Variants in GLDC observed in about 807,000 individuals in gnomAD.
GLDC encodes glycine decarboxylase.
A neutral mutation model predicts 121.3 loss-of-function variants in GLDC; 104 were observed. The ratio of observed to expected loss-of-function variants is 0.86; its 90% CI spans 0.73 to 1.01. GLDC has a LOEUF of 1.01. GLDC is among the 50% of genes least tolerant of loss of function. The pLI, the probability that GLDC is intolerant of heterozygous loss-of-function variation, is 0.00. For missense variants in GLDC, 1,429 were observed against 1,306.6 expected (o/e 1.09, Z -1.44); for synonymous variants, 546 against 480.6 (o/e 1.14, Z -1.78).
intron 15 of GLDC, among the ~76,000 whole-genome samples, chr9:6,569,773 C>A (rs576066896): frequency 1.3e-5 from 2 of 152,042 alleles, no homozygotes; most frequent in African/African-American, 4.8e-5. Context: ...GTTAGAAGAT[C>A]GAGACCAGCC....
chr9:6,638,106 C>T (rs556777832), intron 2 of GLDC, among the ~76,000 whole-genome samples: 5 of 152,148 alleles, frequency 3.3e-5, no homozygotes, highest in Admixed American at 2.0e-4. Context: ...GGGATGATCC[C>T]GCAACAACAT....
chr9:6,626,081 C>G (rs1429394350), intron 2 of GLDC, among the ~76,000 whole-genome samples: 1 of 151,444 alleles, frequency 6.6e-6, no homozygotes, highest in Non-Finnish European at 1.5e-5. Flanking sequence ...GAGAGGTGCT[C>G]AAATGTGTTT....
At chr9:6,619,900 A>T (rs578015138) in intron 3 of GLDC, among the ~76,000 whole-genome samples, 22 of 152,348 alleles carry the variant, frequency 1.4e-4, no homozygotes, top group Non-Finnish European at 2.8e-4. Context: ...ACTCAAATAC[A>T]GCACAGAAAT....
At chr9:6,555,953 AG>A (rs1463366815) in intron 18 of GLDC, among the ~76,000 whole-genome samples, 199 bp downstream of exon 18, 1 of 152,196 alleles carries the variant, frequency 6.6e-6, no homozygotes, top group Non-Finnish European at 1.5e-5. Flanking sequence ...GGGCCCTTTG[AG>A]CCCCCATTTC....
chr9:6,616,859 G>A (rs962569482), intron 3 of GLDC, among the ~76,000 whole-genome samples: 2 of 152,264 alleles, frequency 1.3e-5, no homozygotes, highest in Middle Eastern at 6.8e-3. Flanking sequence ...ATTGGGAAAG[G>A]GGGTTATGGG....
chr9:6,591,572 A>T (rs1418740145), intron 11 of GLDC, among the ~76,000 whole-genome samples: 1 of 152,130 alleles, frequency 6.6e-6, no homozygotes. Flanking sequence ...TCTTTGTAGT[A>T]GAGGCAGTTT....
intron 18 of GLDC, 77 bp downstream of exon 18, chr9:6,556,076 A>G: frequency 1.5e-6 from 2 of 1,291,354 alleles, no homozygotes; most frequent in South Asian, 1.2e-5. Flanking sequence ...AAGCCTCTCA[A>G]GAAGTCAGAA....
chr9:6,585,876 C>G (rs77725397), intron 15 of GLDC, among the ~76,000 whole-genome samples: 27 of 113,650 alleles, frequency 2.4e-4, no homozygotes, highest in African/African-American at 6.6e-4. Flanking sequence ...ATGTATCTAT[C>G]TATCTATCTA....
rs1818823570 is a variant in GLDC, at chr9:6,610,213, T to A, written c.614A>T (p.Glu205Val). The change falls in exon 4 of 25, where the codon GAG becomes GTG. Residue 205 changes from glutamate to valine, a missense_variant. Physicochemically the swap from Glu to Val is moderately radical, Grantham distance 121 (BLOSUM62 -2). Transcript: ENST00000321612. ...SLLDEGTAAA[E>V]ALQLCYRHNK... ...TCACCTGTAGCACAGCTGCAGTGCC[T>A]CTGCGGCTGCAGTCCCCTCATCCAG... 6.2e-7 allele frequency: 1 copy of A among 1,612,620 alleles called. No individual in the cohort carries two copies. Among genetic ancestry groups the A allele is most frequent in the Non-Finnish European group, 8.5e-7 (1 of 1,179,362 alleles).
At chr9:6,602,304 T>A in intron 7 of GLDC, 99 bp from the exon 8 acceptor site, 1 of 790,124 alleles carries the variant, frequency 1.3e-6, no homozygotes. Flanking sequence ...TGAAGTGAAT[T>A]CAGCAAATGC....
intron 3 of GLDC, among the ~76,000 whole-genome samples, chr9:6,618,145 T>G (rs1819002813): frequency 6.6e-6 from 1 of 152,206 alleles, no homozygotes; most frequent in Non-Finnish European, 1.5e-5. Flanking sequence ...AAATGAAAAG[T>G]GGACACCTAT....
intron 24 of GLDC, 93 bp from the exon 25 acceptor site, chr9:6,533,253 A>T: frequency 9.9e-7 from 1 of 1,008,432 alleles, no homozygotes; most frequent in Non-Finnish European, 1.6e-6. Context: ...ACAACCTAAG[A>T]CACCATCAGC....
intron 15 of GLDC, among the ~76,000 whole-genome samples, chr9:6,582,983 G>A (rs1001312815): frequency 2.6e-5 from 4 of 152,198 alleles, no homozygotes; most frequent in Non-Finnish European, 5.9e-5. Context: ...GCTAATCATT[G>A]GGGAAATGTC....
intron 21 of GLDC, among the ~76,000 whole-genome samples, chr9:6,549,646 A>T (rs576753596): frequency 2.6e-5 from 4 of 152,130 alleles, no homozygotes; most frequent in East Asian, 3.9e-4. Context: ...CCACAGCCCA[A>T]TGTGTAAAAG....
At chr9:6,581,907 A>G (rs538869598) in intron 15 of GLDC, among the ~76,000 whole-genome samples, 38 of 152,304 alleles carry the variant, frequency 2.5e-4, no homozygotes, top group African/African-American at 8.4e-4. Flanking sequence ...TGCAAATCAT[A>G]TATCTGATAA....
Position 6,605,356 on chromosome 9 carries a change from G to C in GLDC, c.714-78C>G, listed in dbSNP as rs1587960752. 2.0e-6 allele frequency: 3 copies of C among 1,475,154 alleles called. No individual in the cohort carries two copies. In the East Asian group the frequency reaches 7.1e-5, roughly 35 times the overall value. 91.4% of individuals were successfully genotyped at this position (1,475,154 alleles called of 1,614,324 possible). A position where few individuals can be genotyped will look rare whatever the true frequency, so the allele number is the denominator to read the frequency against. On this transcript the variant is annotated intron_variant, in intron 5 of 24. Coordinates refer to ENST00000321612, the MANE Select transcript of GLDC (RefSeq NM_000170.3). Reference sequence around the variant, plus strand: ...TTAATTAACGTTTCTTTTCCAGTAAGACAGCATTCATTTTCTGTGCCCTCC... The same window carrying C: ...TTAATTAACGTTTCTTTTCCAGTAACACAGCATTCATTTTCTGTGCCCTCC...
At position 6,630,936 on chromosome 9, in the gene GLDC, C is replaced by A. The variant is rs1819362304; in HGVS notation, c.335-10617G>T. ...CCCTGTTACTTGTCAAGTTTCCTCCCTGGGCAGAGGAGGGTTTCACTAGCC... is the reference window on the plus strand; with the variant it reads ...CCCTGTTACTTGTCAAGTTTCCTCCATGGGCAGAGGAGGGTTTCACTAGCC... On this transcript the variant is annotated intron_variant, in intron 2 of 24. Coordinates refer to ENST00000321612, the MANE Select transcript of GLDC (RefSeq NM_000170.3). Among the ~76,000 whole-genome samples the A allele has an allele frequency of 2.0e-5, 3 of 152,336 alleles. No homozygotes were observed. In the South Asian group the frequency reaches 6.2e-4, roughly 32 times the overall value.
intron 22 of GLDC, among the ~76,000 whole-genome samples, chr9:6,537,332 A>G (rs1010661232): frequency 6.6e-6 from 1 of 152,204 alleles, no homozygotes; most frequent in African/African-American, 2.4e-5. Flanking sequence ...GAAACTTTTA[A>G]AAGCTGAAGA....
chr9:6,576,598 C>G (rs1028285122), intron 15 of GLDC, among the ~76,000 whole-genome samples: 10 of 152,106 alleles, frequency 6.6e-5, no homozygotes, highest in African/African-American at 2.2e-4. Context: ...TCCCGAGTAG[C>G]TGGGATTACA....
Sources: gnomAD v4.1 joint callset for allele counts (sites outside exome capture counted in the v4.1 genomes callset) on GRCh38, gnomAD v4.1.1 for gene constraint, MANE v1.5 for transcripts, NCBI Gene and HGNC (gene_info 2026-07-23, HGNC 2026-07-21) for gene names.